Variants in SPTSSA observed in about 807,000 individuals in gnomAD.
The protein encoded by SPTSSA is small subunit of serine palmitoyltransferase A.
In SPTSSA, 8 loss-of-function variants were observed where a neutral mutation model predicts 9.1. The ratio of observed to expected loss-of-function variants is 0.88; its 90% confidence interval spans 0.51 to 1.58. The LOEUF (loss-of-function observed/expected upper bound fraction) is 1.58, where lower values mean the gene tolerates loss of function less well. SPTSSA is among the 40% of genes most tolerant of loss of function. The probability of loss-of-function intolerance (pLI) is 0.00; values close to 1 mark genes in which losing one functional copy is unlikely to be tolerated. For synonymous variants in SPTSSA, 42 were observed against 37.7 expected, an observed-to-expected ratio of 1.11 and a Z score of -0.41; for missense variants, 100 against 93.8, an observed-to-expected ratio of 1.07 and a Z score of -0.27.
chr14:34,458,630 G>A (rs1878540273), intron 1 of SPTSSA, among the ~76,000 whole-genome samples: 1 of 149,304 alleles, frequency 6.7e-6, no homozygotes, highest in Non-Finnish European at 1.5e-5. Context: ...CCGAGTAGCT[G>A]GGACTACAGT....
intron 1 of SPTSSA, among the ~76,000 whole-genome samples, chr14:34,459,953 C>T (rs181802319): frequency 1.6e-3 from 245 of 152,252 alleles, no homozygotes; most frequent in Middle Eastern, 6.8e-3. Flanking sequence ...ATGCCTCTTT[C>T]CAAAAGCCTG....
At chr14:34,457,621 A>T (rs1334084670) in intron 1 of SPTSSA, among the ~76,000 whole-genome samples, 1 of 152,204 alleles carries the variant, frequency 6.6e-6, no homozygotes, top group African/African-American at 2.4e-5. Context: ...AAAAAGTTCA[A>T]ATATTCCTTG....
At chr14:34,451,717 CAAAAAAAAA>C (rs35096900) in intron 1 of SPTSSA, among the ~76,000 whole-genome samples, 22 of 77,200 alleles carry the variant, frequency 2.8e-4, no homozygotes, top group Non-Finnish European at 5.6e-4. Context: ...GACTCTGTTT[CAAAAAAAAA>C]AAAAAAAAAA....
At chr14:34,453,435 T>C (rs1486195533) in intron 1 of SPTSSA, among the ~76,000 whole-genome samples, 1 of 152,204 alleles carries the variant, frequency 6.6e-6, no homozygotes, top group African/African-American at 2.4e-5. Context: ...GGCCCTACAC[T>C]GCCTCAATGG....
chr14:34,434,065 C>G lies in SPTSSA; in HGVS notation c.*1136G>C, dbSNP rs913500263. On this transcript the variant is annotated 3_prime_UTR_variant, in exon 2 of 2. Transcript: ENST00000298130. ...TGCAAAACATATAGGATAAGACATA[C>G]TTACTGCTTATCTGGTCCTCCACAG... 2 of 151,462 alleles carry G rather than the reference C, an allele frequency of 1.3e-5. No individual in the cohort carries two copies. Among genetic ancestry groups the G allele is most frequent in the African/African-American group, 4.9e-5 (2 of 41,086 alleles). 9.4% of individuals were successfully genotyped at this position (151,462 alleles called of 1,614,324 possible). A position where few individuals can be genotyped will look rare whatever the true frequency, so the allele number is the denominator to read the frequency against.
At chr14:34,453,047 G>T (rs772293252) in intron 1 of SPTSSA, among the ~76,000 whole-genome samples, 1 of 152,004 alleles carries the variant, frequency 6.6e-6, no homozygotes, top group Non-Finnish European at 1.5e-5. Flanking sequence ...TCTAGCTTAC[G>T]TTACTATAAG....
At chr14:34,439,603 T>A (rs919446735) in intron 1 of SPTSSA, among the ~76,000 whole-genome samples, 1 of 152,318 alleles carries the variant, frequency 6.6e-6, no homozygotes, top group East Asian at 1.9e-4. Context: ...AATATACACA[T>A]ATCCTACTTG....
intron 1 of SPTSSA, 45 bp downstream of exon 1, chr14:34,462,051 C>A: frequency 8.0e-7 from 1 of 1,257,776 alleles, no homozygotes; most frequent in Admixed American, 4.2e-5. Flanking sequence ...CCCCGCGGCC[C>A]GCGCCCCCAG....
At chr14:34,460,860 T>C (rs1878603893) in intron 1 of SPTSSA, among the ~76,000 whole-genome samples, 1 of 152,232 alleles carries the variant, frequency 6.6e-6, no homozygotes, top group Non-Finnish European at 1.5e-5. Context: ...ATCCAAAATA[T>C]GCATTCTGGT....
In SPTSSA at chr14:34,447,225, TAAAAAAA is replaced by T. The variant is rs79063928; in HGVS notation, c.113-11928_113-11922del. ...GGTGACAGAGCGAGACTCCATCTCT[TAAAAAAA>T]AAAAAAAAAAAAAAAAAAGACCATT... is the stretch of plus-strand genomic sequence containing the variant. On this transcript the variant is annotated intron_variant, in intron 1 of 1. Transcript: ENST00000298130. Among the ~76,000 whole-genome samples the T allele has an allele frequency of 5.7e-3, 489 of 85,318 alleles. 4 individuals are homozygous for T. Among genetic ancestry groups the T allele is most frequent in the African/African-American group, 0.02 (472 of 23,274 alleles). The allele number at this position is 85,318 out of a possible 152,430, so 56.0% of individuals were successfully genotyped here.
At chr14:34,447,129 C>A (rs1325230072) in intron 1 of SPTSSA, among the ~76,000 whole-genome samples, 2 of 148,196 alleles carry the variant, frequency 1.3e-5, no homozygotes, top group African/African-American at 2.5e-5. Context: ...GAGGCTGAGG[C>A]AGGAGAATCG....
rs142532172 is a variant in SPTSSA, at chr14:34,438,061, C to A, written c.113-2757G>T. Reference sequence around the variant, plus strand: ...CAAGCAATCCTCCCACCTCAGCCCCCCAAAGTGCTGAGATTACAGGTGTGA... The same window carrying A: ...CAAGCAATCCTCCCACCTCAGCCCCACAAAGTGCTGAGATTACAGGTGTGA... On this transcript the variant is annotated intron_variant, in intron 1 of 1. Transcript: ENST00000298130. Among the ~76,000 whole-genome samples, 1,139 of 152,226 alleles carry A rather than the reference C, an allele frequency of 7.5e-3. 18 individuals carry two copies. Among genetic ancestry groups the A allele is most frequent in the African/African-American group, 0.026 (1,077 of 41,532 alleles).
Position 34,434,530 on chromosome 14 carries a change from C to A in SPTSSA, c.*671G>T, listed in dbSNP as rs563057171. On this transcript the variant is annotated 3_prime_UTR_variant, in exon 2 of 2. Transcript: ENST00000298130. The stretch of plus-strand genomic sequence containing the variant: ...CCAAAGTTTTCTGGAAATAAGTCCA[C>A]ATAAGAATTAAATATTTAAAAGGTG... 6.5e-6 allele frequency: 1 copy of A among 152,738 alleles called. No individual in the cohort carries two copies. Among genetic ancestry groups the A allele is most frequent in the African/African-American group, 2.4e-5 (1 of 41,574 alleles). The allele number at this position is 152,738 out of a possible 1,614,324, so 9.5% of individuals were successfully genotyped here. A position where few individuals can be genotyped will look rare whatever the true frequency, so the allele number is the denominator to read the frequency against.
At position 34,449,495 on chromosome 14, in the gene SPTSSA, C is replaced by T. The variant is rs1002799305; in HGVS notation, c.112+12601G>A. On this transcript the variant is annotated intron_variant, in intron 1 of 1. Coordinates refer to ENST00000298130, the MANE Select transcript of SPTSSA (RefSeq NM_138288.4). ...GATTACAGGCGTGAGCCACTGCACCCGGCCTCCCTTTTTTTTTTTTTTTTT... is the reference window on the plus strand; with the variant it reads ...GATTACAGGCGTGAGCCACTGCACCTGGCCTCCCTTTTTTTTTTTTTTTTT... Among the ~76,000 whole-genome samples, 5 of 146,196 alleles carry T rather than the reference C, an allele frequency of 3.4e-5. No individual in the cohort carries two copies. The South Asian group carries it at 8.5e-4, about 25-fold the overall frequency.
rs189112015 is a variant in SPTSSA at position 34,440,844 on chromosome 14, G to A, written c.113-5540C>T. On this transcript the variant is annotated intron_variant, in intron 1 of 1. Transcript: ENST00000298130. ...TGTGGTGAGCCGAGATGGCGCCACT[G>A]CACTCAAGCCTGGGCAACAAGAACA... Among the ~76,000 whole-genome samples, 324 of 151,644 alleles carry A rather than the reference G, an allele frequency of 2.1e-3. 1 individual carries two copies. Among genetic ancestry groups the A allele is most frequent in the Middle Eastern group, 3.4e-3 (1 of 294 alleles).
At chr14:34,447,564 G>A (rs112281269) in intron 1 of SPTSSA, among the ~76,000 whole-genome samples, 1,658 of 152,272 alleles carry the variant, frequency 0.011, 33 homozygotes, top group African/African-American at 0.038. Context: ...GATGGTAACT[G>A]AGAGTGGTGC....
intron 1 of SPTSSA, among the ~76,000 whole-genome samples, chr14:34,435,816 G>T (rs1275552304): frequency 6.6e-6 from 1 of 151,682 alleles, no homozygotes; most frequent in Non-Finnish European, 1.5e-5. Flanking sequence ...TTTTAGTAGA[G>T]ACAGGGTTTC....
intron 1 of SPTSSA, among the ~76,000 whole-genome samples, chr14:34,461,553 A>C (rs1034894261): frequency 6.6e-6 from 1 of 152,240 alleles, no homozygotes; most frequent in Non-Finnish European, 1.5e-5. Context: ...GAAGACCAAA[A>C]AGATACAATA....
intron 1 of SPTSSA, among the ~76,000 whole-genome samples, chr14:34,443,543 G>T (rs1883367164): frequency 1.2e-5 from 1 of 83,642 alleles, no homozygotes; most frequent in African/African-American, 5.6e-5. Context: ...GTGTGTGTGT[G>T]TGTGTGTTTT....
Sources: allele counts gnomAD v4.1 joint callset (sites outside exome capture counted in the v4.1 genomes callset), GRCh38; gene constraint gnomAD v4.1.1; transcripts MANE v1.5; gene names NCBI Gene and HGNC (gene_info 2026-07-23, HGNC 2026-07-21).